The following SVIL variants were observed in gnomAD, a reference collection of about 807,000 sequenced individuals.
SVIL encodes supervillin, also known as archvillin.
Under a neutral mutation model 240.4 loss-of-function variants are expected in SVIL, and 101 were observed. The observed-to-expected ratio is 0.42, with a 90% CI of 0.36 to 0.50. The LOEUF is 0.50. Among genes scored for constraint, SVIL ranks in the 20% least tolerant of loss-of-function variants. The probability of loss-of-function intolerance (pLI) is 0.01; values close to 1 mark genes in which losing one functional copy is unlikely to be tolerated. For synonymous variants in SVIL, 999 were observed against 1,100.0 expected, an observed-to-expected ratio of 0.91 and a Z score of 1.82; for missense variants, 2,512 against 2,818.7, an observed-to-expected ratio of 0.89 and a Z score of 2.46.
intron 1 of SVIL, among the ~76,000 whole-genome samples, chr10:29,694,992 G>T (rs536169762): frequency 6.6e-6 from 1 of 152,254 alleles, no homozygotes; most frequent in African/African-American, 2.4e-5. Context: ...TGCATGCCTC[G>T]CACAATGCAC....
intron 18 of SVIL, chr10:29,496,370 A>C: frequency 2.2e-6 from 1 of 455,198 alleles, no homozygotes; most frequent in Non-Finnish European, 4.4e-6. Flanking sequence ...CTGGTATCAC[A>C]GGGTGGGGAG....
chr10:29,730,432 G>A lies in SVIL; in HGVS notation c.-400+5319C>T, dbSNP rs372132750. The stretch of plus-strand genomic sequence containing the variant: ...AGGAGATCTTAGTTCTAATCTTAGC[G>A]CAGGCAAGGTTCTCAACCGTGGAGC... On this transcript the variant is annotated intron_variant, in intron 1 of 35. Coordinates refer to the SVIL transcript ENST00000375400. Among the ~76,000 whole-genome samples the A allele has an allele frequency of 9.9e-5, 15 of 152,120 alleles. No individual in the cohort carries two copies. In the South Asian group the frequency reaches 1.0e-3, roughly 10 times the overall value.
At chr10:29,718,414 T>G (rs1030531823) in intron 1 of SVIL, among the ~76,000 whole-genome samples, 1 of 152,178 alleles carries the variant, frequency 6.6e-6, no homozygotes, top group African/African-American at 2.4e-5. Context: ...TTACATTACA[T>G]ATCTGTTGAA....
chr10:29,707,644 A>C (rs998523006), intron 1 of SVIL, among the ~76,000 whole-genome samples: 9 of 152,190 alleles, frequency 5.9e-5, no homozygotes, highest in African/African-American at 2.2e-4. Flanking sequence ...CAAAGAAATT[A>C]TATTTTACAG....
chr10:29,729,572 AC>A (rs2132715286), intron 1 of SVIL, among the ~76,000 whole-genome samples: 1 of 151,158 alleles, frequency 6.6e-6, no homozygotes, highest in Non-Finnish European at 1.5e-5. Context: ...GCGGTGGCTC[AC>A]ACCTGTAATC....
chr10:29,717,089 C>T (rs1041259732), intron 1 of SVIL, among the ~76,000 whole-genome samples: 1 of 151,802 alleles, frequency 6.6e-6, no homozygotes, highest in Non-Finnish European at 1.5e-5. Context: ...AAAAATTAGC[C>T]GGGCGTGGTG....
At chr10:29,676,750 C>G (rs187494496) in intron 2 of SVIL, among the ~76,000 whole-genome samples, 14 of 152,284 alleles carry the variant, frequency 9.2e-5, no homozygotes, top group African/African-American at 3.4e-4. Context: ...TTGACAACAG[C>G]CTTGACCACA....
chr10:29,732,727 C>CTTTT (rs1964689823), intron 1 of SVIL, among the ~76,000 whole-genome samples: 1 of 152,204 alleles, frequency 6.6e-6, no homozygotes, highest in East Asian at 1.9e-4. Context: ...AGGAAATGGT[C>CTTTT]CCTCTTCCCA....
rs1441772128 is a variant in SVIL, at chr10:29,735,448, C to G, written c.-400+303G>C. ...AGAGAAACCCTGCCCCGGCCCGCTC[C>G]TCCCCGAGGCGCGCTCCGGGGACGG... On this transcript the variant is annotated intron_variant, in intron 1 of 35. Coordinates refer to the SVIL transcript ENST00000375400. This position sits in a 1 kb window ranked among gnomAD's most constrained non-coding sequence, Gnocchi z 4.1. Among the ~76,000 whole-genome samples the G allele has an allele frequency of 6.6e-6, 1 of 151,966 alleles. No homozygotes were observed. Among genetic ancestry groups the G allele is most frequent in the Non-Finnish European group, 1.5e-5 (1 of 67,948 alleles).
chr10:29,724,370 A>AACACACACAC (rs9299624), intron 1 of SVIL, among the ~76,000 whole-genome samples: 20,871 of 145,910 alleles, frequency 0.14, 1,659 homozygotes, highest in Middle Eastern at 0.25. Context: ...GAGGATTTAA[A>AACACACACAC]ACACACACAC....
intron 1 of SVIL, among the ~76,000 whole-genome samples, chr10:29,606,519 C>G (rs113222167): frequency 6.6e-6 from 1 of 152,036 alleles, no homozygotes; most frequent in Non-Finnish European, 1.5e-5. Flanking sequence ...TAAAGTACAC[C>G]CAAAATATCA....
intron 20 of SVIL, 114 bp downstream of exon 20, chr10:29,494,800 T>C (rs769027206): frequency 1.0e-6 from 1 of 978,702 alleles, no homozygotes; most frequent in Non-Finnish European, 1.6e-6. Flanking sequence ...AATCAGGGCT[T>C]GTTTCTCTAA....
At chr10:29,607,018 G>C (rs963295505) in intron 1 of SVIL, among the ~76,000 whole-genome samples, 1 of 152,218 alleles carries the variant, frequency 6.6e-6, no homozygotes, top group Admixed American at 6.5e-5. Context: ...ACCTCCCAAA[G>C]TGCTGAAATT....
chr10:29,713,784 A>T (rs908541368), intron 1 of SVIL, among the ~76,000 whole-genome samples: 7 of 152,234 alleles, frequency 4.6e-5, no homozygotes, highest in Non-Finnish European at 7.3e-5. Context: ...AGGATACTCC[A>T]ATATACTTGA....
At chr10:29,577,599 G>A (rs1212448559) in intron 1 of SVIL, among the ~76,000 whole-genome samples, 1 of 152,132 alleles carries the variant, frequency 6.6e-6, no homozygotes, top group Non-Finnish European at 1.5e-5. Context: ...GGGCACTTAG[G>A]TTGGTTCCAT....
At chr10:29,680,981 A>G (rs1479666748) in intron 2 of SVIL, among the ~76,000 whole-genome samples, 1 of 151,932 alleles carries the variant, frequency 6.6e-6, no homozygotes, top group East Asian at 1.9e-4. Context: ...CATGGACACT[A>G]CCTGCTGGGC....
intron 5 of SVIL, among the ~76,000 whole-genome samples, chr10:29,553,542 T>C (rs1439671116): frequency 1.3e-5 from 2 of 149,494 alleles, no homozygotes; most frequent in Non-Finnish European, 3.0e-5. Flanking sequence ...GATCTTGCCA[T>C]CGCACTCCAG....
intron 1 of SVIL, among the ~76,000 whole-genome samples, chr10:29,613,977 C>T (rs545935023): frequency 9.9e-5 from 15 of 152,250 alleles, no homozygotes; most frequent in East Asian, 7.7e-4. Flanking sequence ...AAGGTTTCCT[C>T]GGTGAATCAG....
rs1264721278 is a variant in SVIL at position 29,458,289 on chromosome 10, G to T, written c.6603C>A (p.Ala2201=). 1 of 1,614,176 alleles carries T rather than the reference G, an allele frequency of 6.2e-7. No homozygotes were observed. The highest frequency in any genetic ancestry group is 2.2e-5 in the East Asian group (1 of 44,876). The change falls in exon 38 of 38, where the codon GCC becomes GCA. Residue 2201 remains alanine (A), a synonymous_variant. Coordinates refer to ENST00000355867, the MANE Select transcript of SVIL (RefSeq NM_021738.3). ...MTRDEYNALP[A]WKQVNLKKAK... is the part of the protein sequence containing the mutation. The stretch of plus-strand genomic sequence containing the variant: ...CTTTCTTCAGGTTCACCTGCTTCCA[G>T]GCGGGCAGGGCGTTGTATTCATCCC...
Sources: allele counts gnomAD v4.1 joint callset (sites outside exome capture counted in the v4.1 genomes callset), GRCh38; gene constraint gnomAD v4.1.1; non-coding constraint Gnocchi (gnomAD v3.1); transcripts MANE v1.5; gene names NCBI Gene and HGNC (gene_info 2026-07-23, HGNC 2026-07-21).